CCSER1: variants seen among roughly 807,000 people sequenced by gnomAD.
CCSER1 encodes serine-rich coiled-coil domain-containing protein 1.
Under a neutral mutation model 82.0 loss-of-function variants are expected in CCSER1, and 41 were observed. The ratio of observed to expected loss-of-function variants is 0.50; its 90% CI spans 0.39 to 0.65. The LOEUF is 0.65. CCSER1 is among the 30% of genes least tolerant of loss of function. The pLI is 0.00. For synonymous variants in CCSER1, 414 were observed against 383.9 expected (o/e 1.08, Z -0.92); for missense variants, 1,119 against 1,064.2 (o/e 1.05, Z -0.72).
At chr4:91,437,206 A>C (rs138079185) in intron 10 of CCSER1, among the ~76,000 whole-genome samples, 2 of 152,250 alleles carry the variant, frequency 1.3e-5, no homozygotes, top group Admixed American at 6.5e-5. Flanking sequence ...TTTTTGGTGC[A>C]TATCTAAAGA....
At chr4:90,462,473 C>T (rs1040693239) in intron 4 of CCSER1, among the ~76,000 whole-genome samples, 4 of 152,154 alleles carry the variant, frequency 2.6e-5, no homozygotes, top group Non-Finnish European at 4.4e-5. Context: ...AGCTAACAGA[C>T]TATGGACTTT....
chr4:90,496,397 T>A (rs894467511), intron 5 of CCSER1, among the ~76,000 whole-genome samples: 1 of 152,180 alleles, frequency 6.6e-6, no homozygotes, highest in Non-Finnish European at 1.5e-5. Flanking sequence ...AGTATGGAGA[T>A]TTGCCTCAGA....
intron 10 of CCSER1, among the ~76,000 whole-genome samples, chr4:91,182,675 C>G (rs754398743): frequency 7.9e-5 from 12 of 152,216 alleles, no homozygotes; most frequent in Non-Finnish European, 1.5e-4. Context: ...TTAATAGAAG[C>G]TGGAATGCCC....
intron 9 of CCSER1, among the ~76,000 whole-genome samples, chr4:90,985,376 G>T (rs564893626): frequency 1.3e-5 from 2 of 150,414 alleles, no homozygotes; most frequent in East Asian, 3.9e-4. Context: ...TTCTTTAGCG[G>T]TTACTCTTAA....
chr4:90,484,763 G>T (rs1055820846), intron 5 of CCSER1, among the ~76,000 whole-genome samples: 1 of 152,194 alleles, frequency 6.6e-6, no homozygotes, highest in Non-Finnish European at 1.5e-5. Flanking sequence ...CTGGCCGGCT[G>T]TGTGATATGT....
At chr4:91,456,197 G>A (rs1275577526) in intron 10 of CCSER1, among the ~76,000 whole-genome samples, 1 of 151,976 alleles carries the variant, frequency 6.6e-6, no homozygotes, top group East Asian at 1.9e-4. Flanking sequence ...TCCTTGCATG[G>A]TGAAAAGACA....
intron 7 of CCSER1, among the ~76,000 whole-genome samples, chr4:90,794,122 C>T (rs145929057): frequency 2.0e-5 from 3 of 152,292 alleles, no homozygotes; most frequent in African/African-American, 7.2e-5. Context: ...TGTCTGTTTA[C>T]TCTGTTGATA....
intron 8 of CCSER1, among the ~76,000 whole-genome samples, chr4:90,918,955 T>C (rs537896929): frequency 2.6e-5 from 4 of 151,976 alleles, no homozygotes; most frequent in African/African-American, 9.6e-5. Flanking sequence ...CTATGTTGAC[T>C]TTATCATTTT....
chr4:90,342,772 C>A (rs1741630315), intron 3 of CCSER1, among the ~76,000 whole-genome samples: 1 of 152,132 alleles, frequency 6.6e-6, no homozygotes, highest in East Asian at 1.9e-4. Context: ...TAAGGATGTC[C>A]ATAGTTTCCT....
chr4:90,775,122 C>T (rs1177551159), intron 7 of CCSER1, among the ~76,000 whole-genome samples: 1 of 152,072 alleles, frequency 6.6e-6, no homozygotes, highest in Admixed American at 6.6e-5. Flanking sequence ...AATGACTCTT[C>T]ACCACCTCAA....
chr4:91,407,901 C>G (rs369004497), intron 10 of CCSER1, among the ~76,000 whole-genome samples: 1 of 152,316 alleles, frequency 6.6e-6, no homozygotes, highest in African/African-American at 2.4e-5. Context: ...CTGTAGTCAT[C>G]TCTTCTGTGG....
At chr4:90,450,721 C>T (rs1025081629) in intron 4 of CCSER1, among the ~76,000 whole-genome samples, 5 of 152,190 alleles carry the variant, frequency 3.3e-5, no homozygotes, top group African/African-American at 1.2e-4. Context: ...TAAGCCCTCA[C>T]CCCCATTCTG....
At chr4:90,844,866 CAGTA>C (rs1156793569) in intron 8 of CCSER1, among the ~76,000 whole-genome samples, 1 of 152,150 alleles carries the variant, frequency 6.6e-6, no homozygotes, top group African/African-American at 2.4e-5. Flanking sequence ...AAGAGCCAGA[CAGTA>C]AGTATTTTAG....
intron 9 of CCSER1, among the ~76,000 whole-genome samples, chr4:91,013,308 CTT>C (rs1739149400): frequency 7.5e-6 from 1 of 133,444 alleles, no homozygotes; most frequent in African/African-American, 2.5e-5. Flanking sequence ...TCCAGACACT[CTT>C]TGTTGAAGAC....
At position 90,533,192 on chromosome 4, in the gene CCSER1, C is replaced by A. The variant is rs181709967; in HGVS notation, c.1724+64838C>A. Among the ~76,000 whole-genome samples, 230 of 150,002 alleles carry A rather than the reference C, an allele frequency of 1.5e-3. 4 individuals are homozygous for A. The East Asian group carries it at 0.038, about 25-fold the overall frequency. On this transcript the variant is annotated intron_variant, in intron 5 of 10. Coordinates refer to ENST00000509176, the MANE Select transcript of CCSER1 (RefSeq NM_001145065.2). ...CTGCAAGCTCCGCCTCCCGGGTTCA[C>A]GCCATTCTCCTGCCTCACCCTCCCT... is the stretch of plus-strand genomic sequence containing the variant.
chr4:90,789,491 T>C (rs550762232), intron 7 of CCSER1, among the ~76,000 whole-genome samples: 7 of 152,318 alleles, frequency 4.6e-5, no homozygotes, highest in Non-Finnish European at 8.8e-5. Flanking sequence ...ACGTAGCCAA[T>C]GTCTACTGAT....
chr4:90,861,432 A>G (rs1470821843), intron 8 of CCSER1, among the ~76,000 whole-genome samples: 1 of 151,788 alleles, frequency 6.6e-6, no homozygotes, highest in Non-Finnish European at 1.5e-5. Context: ...CTATAGGATT[A>G]TACTTATTTT....
intron 1 of CCSER1, among the ~76,000 whole-genome samples, chr4:90,128,997 A>G (rs1310659912): frequency 6.6e-6 from 1 of 152,138 alleles, no homozygotes; most frequent in African/African-American, 2.4e-5. Context: ...TAATGTTTTT[A>G]TGTCCTCTTC....
intron 9 of CCSER1, among the ~76,000 whole-genome samples, chr4:91,061,330 G>C (rs1375123562): frequency 1.3e-5 from 2 of 151,594 alleles, no homozygotes; most frequent in African/African-American, 4.8e-5. Context: ...CAATGTATTA[G>C]TTAACATGAA....
Sources: gnomAD v4.1 joint callset for allele counts (sites outside exome capture counted in the v4.1 genomes callset) on GRCh38, gnomAD v4.1.1 for gene constraint, MANE v1.5 for transcripts, NCBI Gene and HGNC (gene_info 2026-07-23, HGNC 2026-07-21) for gene names.